The following PLEKHM3 variants were observed in gnomAD, a reference collection of about 807,000 sequenced individuals.
PLEKHM3 encodes the protein pleckstrin homology domain containing M3, also known as pleckstrin homology domain-containing family M member 3.
In PLEKHM3, 45 loss-of-function variants were observed where a neutral mutation model predicts 81.8. The observed-to-expected ratio is 0.55, with a 90% CI of 0.43 to 0.71. The LOEUF (loss-of-function observed/expected upper bound fraction) is 0.71, where lower values mean the gene tolerates loss of function less well. PLEKHM3 is among the 30% of genes least tolerant of loss of function. The pLI is 0.00. For synonymous variants in PLEKHM3, 352 were observed against 356.4 expected (o/e 0.99, Z 0.14); for missense variants, 788 against 924.3 (o/e 0.85, Z 1.91).
At position 208,015,475 on chromosome 2, in the gene PLEKHM3, C is replaced by CAA. The variant is rs11458602; in HGVS notation, c.-319+9912_-319+9913dup. 2.4e-3 allele frequency among the ~76,000 whole-genome samples: 370 copies of CAA among 151,230 alleles called. 1 individual carries two copies. The highest frequency in any genetic ancestry group is 7.5e-3 in the African/African-American group (309 of 41,206). ...AGGGAAGTAGTTTATAGTTAATTTA[C>CAA]AAAAAAAAATCACCTCTATAATACT... On this transcript the variant is annotated intron_variant, in intron 1 of 7. Transcript: ENST00000427836.
At chr2:207,861,066 A>T (rs2092464583) in intron 7 of PLEKHM3, 39 bp downstream of exon 7, 1 of 1,602,090 alleles carries the variant, frequency 6.2e-7, no homozygotes. Flanking sequence ...GGCATATTAC[A>T]CATTTGGGTG....
chr2:208,013,816 T>C (rs1029937111), intron 1 of PLEKHM3, among the ~76,000 whole-genome samples: 4 of 152,202 alleles, frequency 2.6e-5, no homozygotes, highest in African/African-American at 4.8e-5. Context: ...GAAGGGAGAA[T>C]ACTTAAAACT....
intron 7 of PLEKHM3, among the ~76,000 whole-genome samples, chr2:207,832,120 C>G (rs2092291932): frequency 6.6e-6 from 1 of 152,148 alleles, no homozygotes; most frequent in African/African-American, 2.4e-5. Context: ...GCTGAGCGCA[C>G]CTGCTCTTTC....
rs1692303228 is a variant in PLEKHM3, at chr2:208,001,488, A to T, written c.152T>A (p.Leu51His). ...EVPELVGHEV[L>H]SNITDNGAMR... The stretch of plus-strand genomic sequence containing the variant: ...AGCACCATTGTCTGTTATGTTACTG[A>T]GTACCTCATGCCCCACCAGTTCAGG... The change falls in exon 2 of 8, where the codon CTC (leucine) becomes CAC (histidine). Residue 51 changes from leucine to histidine, a missense_variant. Physicochemically the swap from Leu to His is moderately conservative, Grantham distance 99. Transcript: ENST00000427836. 6.2e-7 allele frequency: 1 copy of T among 1,614,044 alleles called. No individual in the cohort carries two copies. Among genetic ancestry groups the T allele is most frequent in the Admixed American group, 1.7e-5 (1 of 60,004 alleles).
intron 4 of PLEKHM3, among the ~76,000 whole-genome samples, chr2:207,942,783 C>A (rs1031041677): frequency 6.6e-6 from 1 of 152,076 alleles, no homozygotes; most frequent in African/African-American, 2.4e-5. Context: ...GCCTGTAGTT[C>A]CAGTTACTCA....
intron 1 of PLEKHM3, among the ~76,000 whole-genome samples, chr2:208,011,785 C>CTTTTTTTTTTTTTTTTTTTTTTTTT (rs1177948830): frequency 1.3e-5 from 1 of 79,992 alleles, no homozygotes; most frequent in African/African-American, 6.0e-5. Flanking sequence ...CTCTGATAAA[C>CTTTTTTTTTTTTTTTTTTTTTTTTT]TTTTTTTTTT....
chr2:207,930,880 G>A (rs767649982), intron 5 of PLEKHM3, 46 bp downstream of exon 5: 4 of 1,592,418 alleles, frequency 2.5e-6, no homozygotes, highest in Middle Eastern at 2.1e-4. Flanking sequence ...CTCCGTGGGC[G>A]GGAAAGAAAA....
At chr2:207,936,598 C>CT (rs1226782802) in intron 4 of PLEKHM3, among the ~76,000 whole-genome samples, 2 of 152,012 alleles carry the variant, frequency 1.3e-5, no homozygotes, top group African/African-American at 4.8e-5. Context: ...AGAGAGGCAC[C>CT]TACAGGAAGC....
chr2:207,875,244 T>G (rs1202888847), intron 6 of PLEKHM3, among the ~76,000 whole-genome samples: 3 of 152,132 alleles, frequency 2.0e-5, no homozygotes, highest in East Asian at 3.8e-4. Flanking sequence ...TAAACACATG[T>G]TAATAAAAAG....
chr2:207,977,476 A>G lies in PLEKHM3; in HGVS notation c.721T>C (p.Tyr241His). The G allele has an allele frequency of 7.4e-6, 12 of 1,614,146 alleles. No individual in the cohort carries two copies. The highest frequency in any genetic ancestry group is 1.1e-5 in the South Asian group (1 of 91,082). The change falls in exon 3 of 8, where the codon TAC becomes CAC. Residue 241 changes from tyrosine (Y) to histidine (H), a missense_variant. Coordinates refer to ENST00000427836, the MANE Select transcript of PLEKHM3 (RefSeq NM_001080475.3). ...CCACTGCTGTCGAGGCTGTAGAAGT[A>G]TAAGTTGTAAGGTGAAAGTTCTGCA... ...CYAELSPYNL[Y>H]FYSLDSSGNQ...
chr2:207,974,698 G>A (rs1341432843), intron 3 of PLEKHM3, among the ~76,000 whole-genome samples: 2 of 152,156 alleles, frequency 1.3e-5, no homozygotes, highest in Middle Eastern at 3.2e-3. Context: ...ACACTGAAAT[G>A]TCAGTAATTT....
At chr2:208,011,073 A>C (rs991853397) in intron 1 of PLEKHM3, among the ~76,000 whole-genome samples, 7 of 151,832 alleles carry the variant, frequency 4.6e-5, no homozygotes, top group South Asian at 4.1e-4. Context: ...TCAAAAAAAA[A>C]AAAAAAAAAA....
At position 207,823,036 on chromosome 2, in the gene PLEKHM3, G is replaced by C. The variant is rs1181964652; in HGVS notation, c.*5283C>G. ...TAGGAGGGAGCCCTCCTAAGAGTTA[G>C]GAGTTGCTGTGAGTTGCTGTAGGTG... is the stretch of plus-strand genomic sequence containing the variant. On this transcript the variant is annotated 3_prime_UTR_variant, in exon 8 of 8. Coordinates refer to ENST00000427836, the MANE Select transcript of PLEKHM3 (RefSeq NM_001080475.3). 2.0e-5 allele frequency: 3 copies of C among 152,270 alleles called. No individual in the cohort carries two copies. Among genetic ancestry groups the C allele is most frequent in the Non-Finnish European group, 2.9e-5 (2 of 68,094 alleles). The allele number at this position is 152,270 out of a possible 1,614,324, so 9.4% of individuals were successfully genotyped here. A position where few individuals can be genotyped will look rare whatever the true frequency, so the allele number is the denominator to read the frequency against.
intron 3 of PLEKHM3, among the ~76,000 whole-genome samples, chr2:207,957,132 G>C (rs900615402): frequency 2.8e-4 from 43 of 152,148 alleles, no homozygotes; most frequent in Admixed American, 2.5e-3. Flanking sequence ...AGAAGGAGCA[G>C]GTGGTTTGGG....
intron 6 of PLEKHM3, among the ~76,000 whole-genome samples, chr2:207,863,180 G>A (rs372942642): frequency 1.2e-4 from 18 of 152,334 alleles, no homozygotes; most frequent in Admixed American, 8.5e-4. Context: ...GACTTGCTTC[G>A]GCCCCAGGTG....
At chr2:207,894,766 G>A (rs189947617) in intron 6 of PLEKHM3, among the ~76,000 whole-genome samples, 13 of 152,158 alleles carry the variant, frequency 8.5e-5, no homozygotes, top group East Asian at 7.7e-4. Context: ...CTTTTAATAC[G>A]TTTGAAACAT....
intron 7 of PLEKHM3, among the ~76,000 whole-genome samples, chr2:207,833,421 G>A (rs888129955): frequency 4.0e-5 from 6 of 151,886 alleles, no homozygotes; most frequent in Non-Finnish European, 8.8e-5. Flanking sequence ...AAAGACTAAC[G>A]TCCTCCCTTT....
At chr2:207,864,796 C>A (rs2092486867) in intron 6 of PLEKHM3, among the ~76,000 whole-genome samples, 2 of 152,172 alleles carry the variant, frequency 1.3e-5, no homozygotes, top group South Asian at 4.1e-4. Flanking sequence ...GGATTGGTAT[C>A]TGTATAATAT....
intron 5 of PLEKHM3, among the ~76,000 whole-genome samples, chr2:207,916,443 G>A (rs1436116026): frequency 6.6e-6 from 1 of 152,092 alleles, no homozygotes; most frequent in East Asian, 1.9e-4. Context: ...TTTTCTCTTA[G>A]AAAATGATTT....
Sources: gnomAD v4.1 joint callset for allele counts (sites outside exome capture counted in the v4.1 genomes callset) on GRCh38, gnomAD v4.1.1 for gene constraint, MANE v1.5 for transcripts, NCBI Gene and HGNC (gene_info 2026-07-23, HGNC 2026-07-21) for gene names.